MEGF6: variants seen among roughly 807,000 people sequenced by gnomAD.
The protein encoded by MEGF6 is multiple epidermal growth factor-like domains protein 6.
Under a neutral mutation model 207.1 loss-of-function variants are expected in MEGF6, and 184 were observed. That is an observed-to-expected ratio of 0.89 (90% CI 0.79 to 1.00). The LOEUF (loss-of-function observed/expected upper bound fraction) is 1.00, where lower values mean the gene tolerates loss of function less well. MEGF6 is among the 50% of genes least tolerant of loss of function. MEGF6 has a pLI of 0.00. For missense variants in MEGF6, 2,282 were observed against 2,202.9 expected (o/e 1.04, Z -0.72); for synonymous variants, 1,038 against 910.0 (o/e 1.14, Z -2.53).
intron 3 of MEGF6, among the ~76,000 whole-genome samples, chr1:3,591,713 G>C (rs931625018): frequency 6.8e-6 from 1 of 146,078 alleles, no homozygotes; most frequent in Admixed American, 6.8e-5. Flanking sequence ...CCAAGGTCTC[G>C]TAGCTCACAA....
At chr1:3,551,668 C>G (rs529439570) in intron 4 of MEGF6, among the ~76,000 whole-genome samples, 86 of 152,242 alleles carry the variant, frequency 5.6e-4, no homozygotes, top group African/African-American at 2.1e-3. Context: ...GACAGCACCC[C>G]GCCAACCCTC....
intron 3 of MEGF6, among the ~76,000 whole-genome samples, chr1:3,582,916 T>C (rs749908693): frequency 2.6e-5 from 4 of 152,194 alleles, no homozygotes; most frequent in African/African-American, 7.2e-5. Flanking sequence ...TGCCAGGCCC[T>C]GGGCTCCCTG....
At chr1:3,545,390 A>C (rs1397815577) in intron 4 of MEGF6, among the ~76,000 whole-genome samples, 1 of 151,848 alleles carries the variant, frequency 6.6e-6, no homozygotes, top group Non-Finnish European at 1.5e-5. Context: ...CGCAGGGGGG[A>C]AAATGTAAGC....
chr1:3,505,139 C>T, intron 17 of MEGF6, 69 bp downstream of exon 17: 1 of 1,574,410 alleles, frequency 6.4e-7, no homozygotes, highest in Non-Finnish European at 8.6e-7. Context: ...TGAAGCCTAC[C>T]CTCCAGCCAG....
intron 12 of MEGF6, 129 bp downstream of exon 12, chr1:3,508,946 G>T: frequency 1.7e-6 from 2 of 1,177,256 alleles, no homozygotes; most frequent in Non-Finnish European, 2.3e-6. Flanking sequence ...TCTGGGCCTT[G>T]GTCTAACATG....
intron 4 of MEGF6, among the ~76,000 whole-genome samples, chr1:3,544,144 C>G (rs1233099703): frequency 6.7e-6 from 1 of 148,396 alleles, no homozygotes; most frequent in Non-Finnish European, 1.5e-5. Flanking sequence ...GGGCCCACCA[C>G]CACCCCAGGC....
Position 3,594,462 on chromosome 1 carries a change from A to G in MEGF6, c.376+876T>C, listed in dbSNP as rs1223559465. Among the ~76,000 whole-genome samples the G allele has an allele frequency of 6.6e-6, 1 of 152,116 alleles. No individual in the cohort carries two copies. The highest frequency in any genetic ancestry group is 1.9e-4 in the East Asian group (1 of 5,182). On this transcript the variant is annotated intron_variant, in intron 3 of 36. Coordinates refer to ENST00000356575, the MANE Select transcript of MEGF6 (RefSeq NM_001409.4). This position sits in a 1 kb window ranked among gnomAD's most constrained non-coding sequence, Gnocchi z 4.2. Reference sequence around the variant, plus strand: ...AAACATAAAAAGTAACAAAATAAAAATGTGGGGAGTGCGTGACTCCCGGCC... The same window carrying G: ...AAACATAAAAAGTAACAAAATAAAAGTGTGGGGAGTGCGTGACTCCCGGCC...
intron 4 of MEGF6, among the ~76,000 whole-genome samples, chr1:3,575,988 ATCT>A (rs1383623154): frequency 1.6e-5 from 2 of 124,074 alleles, no homozygotes; most frequent in African/African-American, 5.1e-5. Flanking sequence ...ACATCGCCAA[ATCT>A]CCTCCCTGCT....
chr1:3,515,563 A>G (rs1169876930), intron 5 of MEGF6, 36 bp from the exon 6 acceptor site: 2 of 1,597,778 alleles, frequency 1.3e-6, no homozygotes, highest in Admixed American at 3.3e-5. Flanking sequence ...TCAGCCCAAG[A>G]GGATGCCTGG....
In MEGF6 at chr1:3,495,892, C is replaced by A. The variant is rs763120864; in HGVS notation, c.3869G>T (p.Arg1290Leu). The A allele has an allele frequency of 1.1e-5, 17 of 1,598,154 alleles. No homozygotes were observed. The Admixed American group carries it at 2.3e-4, about 22-fold the overall frequency. The change falls in exon 30 of 37, where the codon CGA becomes CTA. Residue 1290 changes from arginine (R) to leucine (L), a missense_variant and splice_region_variant. Transcript: ENST00000356575. Reference protein sequence around the residue: ...PPGRAGVRCERGCPQNRFGVG... With the variant: ...PPGRAGVRCELGCPQNRFGVG... ...TGCCCTCTGGAGTGAACACTCACCT[C>A]GCTCACAGCGGACGCCGGCTCTCCC...
rs1640741269 is a variant in MEGF6, at chr1:3,499,146, C to T, written c.3086G>A (p.Cys1029Tyr). ...HCAPGWMGPS[C>Y]LQACPAGLYG... ...TCCTAGATGTGGCTTACCCTGCAGG[C>T]AGGAGGGCCCCATCCAGCCAGGGGC... The change falls in exon 24 of 37, where the codon TGC becomes TAC. Residue 1029 changes from cysteine (C) to tyrosine (Y), a missense_variant. Physicochemically the swap from Cys to Tyr is radical, Grantham distance 194. Coordinates refer to ENST00000356575, the MANE Select transcript of MEGF6 (RefSeq NM_001409.4). The T allele has an allele frequency of 1.9e-6, 3 of 1,604,150 alleles. No homozygotes were observed. The highest frequency in any genetic ancestry group is 2.5e-6 in the Non-Finnish European group (3 of 1,176,868).
chr1:3,551,305 C>T (rs900303123), intron 4 of MEGF6, among the ~76,000 whole-genome samples: 1 of 152,186 alleles, frequency 6.6e-6, no homozygotes, highest in Non-Finnish European at 1.5e-5. Context: ...TCTCAGCCAG[C>T]ATGAATCACT....
chr1:3,500,042 C>T (rs1032810236), intron 21 of MEGF6, 118 bp from the exon 22 acceptor site: 1 of 1,390,344 alleles, frequency 7.2e-7, no homozygotes, highest in African/African-American at 1.5e-5. Context: ...TGAGAAGCCC[C>T]TTCCTGCCCA....
chr1:3,605,576 A>T (rs58414493), intron 1 of MEGF6, among the ~76,000 whole-genome samples: 60,194 of 151,874 alleles, frequency 0.4, 12,236 homozygotes, highest in East Asian at 0.47. Context: ...TCACATACAC[A>T]CACATACACT....
At chr1:3,546,488 T>C (rs1440459762) in intron 4 of MEGF6, among the ~76,000 whole-genome samples, 1 of 151,960 alleles carries the variant, frequency 6.6e-6, no homozygotes, top group Non-Finnish European at 1.5e-5. Flanking sequence ...GTGGAGCCCT[T>C]GGAGCAGCCT....
intron 1 of MEGF6, 145 bp downstream of exon 1, chr1:3,610,993 C>G: frequency 8.8e-7 from 1 of 1,131,978 alleles, no homozygotes. Context: ...CCCTGTGTCT[C>G]AGCCACCTCC....
intron 5 of MEGF6, among the ~76,000 whole-genome samples, chr1:3,516,283 TGGGCACTGGACCTCTGCCAAAAGCGGTA>T (rs1641539611): frequency 6.6e-6 from 1 of 152,096 alleles, no homozygotes; most frequent in Non-Finnish European, 1.5e-5. Flanking sequence ...GCACCCAGGG[TGGGCACTGGACCTCTGCCAAAAGCGGTA>T]GCCAGCCCCT....
chr1:3,622,518 A>G, the MEGF6 span, among the ~76,000 whole-genome samples: 111,759 of 152,188 alleles, frequency 0.73, 41,785 homozygotes, highest in East Asian at 0.98. Context: ...ACCTTATTTG[A>G]TCAAACATGA....
chr1:3,559,959 C>A (rs1190483597), intron 4 of MEGF6, among the ~76,000 whole-genome samples: 1 of 147,520 alleles, frequency 6.8e-6, no homozygotes, highest in African/African-American at 2.5e-5. Flanking sequence ...TGCAGTGAGC[C>A]GAGATCACAC....
Sources: allele counts gnomAD v4.1 joint callset (sites outside exome capture counted in the v4.1 genomes callset), GRCh38; gene constraint gnomAD v4.1.1; non-coding constraint Gnocchi (gnomAD v3.1); transcripts MANE v1.5; gene names NCBI Gene and HGNC (gene_info 2026-07-23, HGNC 2026-07-21).